Variants in FRMD6 observed in about 807,000 individuals in gnomAD.
FRMD6 encodes FERM domain containing 6.
A neutral mutation model predicts 73.2 loss-of-function variants in FRMD6; 37 were observed. That is an observed-to-expected ratio of 0.51 (90% CI 0.39 to 0.66). The LOEUF (loss-of-function observed/expected upper bound fraction) is 0.66, where lower values mean the gene tolerates loss of function less well. FRMD6 is among the 30% of genes least tolerant of loss of function. The pLI, the probability that FRMD6 is intolerant of heterozygous loss-of-function variation, is 0.00. For missense variants in FRMD6, 714 were observed against 780.5 expected (o/e 0.91, Z 1.02); for synonymous variants, 273 against 282.2 (o/e 0.97, Z 0.33).
chr14:51,653,061 C>A (rs1748333060), intron 1 of FRMD6, among the ~76,000 whole-genome samples: 2 of 152,076 alleles, frequency 1.3e-5, no homozygotes, highest in African/African-American at 4.8e-5. Flanking sequence ...TCTGTTTTGC[C>A]AGTATTTCCC....
intron 2 of FRMD6, among the ~76,000 whole-genome samples, chr14:51,603,719 G>C (rs927023635): frequency 2.0e-5 from 3 of 152,130 alleles, no homozygotes; most frequent in African/African-American, 7.2e-5. Flanking sequence ...AACCTGGACT[G>C]AAGTGCTTGC....
chr14:51,530,315 A>G (rs1184536211), intron 1 of FRMD6, among the ~76,000 whole-genome samples: 1 of 152,150 alleles, frequency 6.6e-6, no homozygotes, highest in African/African-American at 2.4e-5. Flanking sequence ...CCATGTTTGG[A>G]GTATTTATAC....
At position 51,715,344 on chromosome 14, in the gene FRMD6, T is replaced by A. The variant is rs1478362781; in HGVS notation, c.869T>A (p.Leu290Ter). The part of the protein sequence containing the change: ...LVFVGKKFEI[L>*]PDGLPSARKL... Reference sequence around the variant, plus strand: ...CCAAAGGGTAAGAAATTTGAGATTTTGCCAGATGGCTTGCCTTCTGCCCGG... The same window carrying A: ...CCAAAGGGTAAGAAATTTGAGATTTAGCCAGATGGCTTGCCTTCTGCCCGG... Residue 290 changes from leucine to a stop codon, truncating the protein, a stop_gained, in exon 10 of 14, where the codon TTG becomes TAG. Transcript: ENST00000344768. LOFTEE classifies it high-confidence loss of function. 6.4e-7 allele frequency: 1 copy of A among 1,571,618 alleles called. No individual in the cohort carries two copies. The highest frequency in any genetic ancestry group is 8.6e-7 in the Non-Finnish European group (1 of 1,156,600).
chr14:51,585,939 G>GTGTGTGTGTGTGTGTGTA lies in FRMD6; in HGVS notation c.-147+15530_-147+15531insGTGTGTGTGTGTGTGTAT. Among the ~76,000 whole-genome samples the GTGTGTGTGTGTGTGTGTA allele has an allele frequency of 1.1e-3, 33 of 31,380 alleles. 3 individuals carry two copies. The highest frequency in any genetic ancestry group is 4.3e-3 in the South Asian group (4 of 940). 20.6% of individuals were successfully genotyped at this position (31,380 alleles called of 152,430 possible). A position where few individuals can be genotyped will look rare whatever the true frequency, so the allele number is the denominator to read the frequency against. On this transcript the variant is annotated intron_variant, in intron 2 of 14. Transcript: ENST00000356218. Reference sequence around the variant, plus strand: ...TGCCATGGCATGTGTGTGTGTGTGTGTATATATATATATATATATATAACA... The same window carrying GTGTGTGTGTGTGTGTGTA: ...TGCCATGGCATGTGTGTGTGTGTGTGTGTGTGTGTGTGTGTGTATATATATATATATATATATATAACA...
rs1282749992 is a variant in FRMD6, at chr14:51,728,845, CTTTA to C, written c.*820_*823del. ...TAGAAAACGTTGGTGCTTGGTGATG[CTTTA>C]TTTGTTTAATTATCAAGAACAAATT... On this transcript the variant is annotated 3_prime_UTR_variant, in exon 14 of 14. Transcript: ENST00000344768. 2.0e-5 allele frequency: 3 copies of C among 152,294 alleles called. No individual in the cohort carries two copies. The East Asian group carries it at 5.8e-4, about 29-fold the overall frequency. The allele number at this position is 152,294 out of a possible 1,614,324, so 9.4% of individuals were successfully genotyped here.
At chr14:51,499,212 T>A (rs1883467427) in intron 1 of FRMD6, among the ~76,000 whole-genome samples, 1 of 152,226 alleles carries the variant, frequency 6.6e-6, no homozygotes, top group Non-Finnish European at 1.5e-5. Flanking sequence ...CTTGCCCTCC[T>A]TTAGCGGAGA....
At chr14:51,513,588 T>G (rs553449504) in intron 1 of FRMD6, among the ~76,000 whole-genome samples, 7 of 151,926 alleles carry the variant, frequency 4.6e-5, no homozygotes, top group Admixed American at 3.9e-4. Flanking sequence ...GATACACATT[T>G]GACCAACATT....
At chr14:51,638,189 T>TG (rs1438947429) in intron 2 of FRMD6, among the ~76,000 whole-genome samples, 3 of 151,934 alleles carry the variant, frequency 2.0e-5, no homozygotes, top group Non-Finnish European at 4.4e-5. Flanking sequence ...AAGGCTGAGG[T>TG]GGGGGGATCA....
the FRMD6 span, among the ~76,000 whole-genome samples, chr14:51,440,536 ATTTCTC>A: frequency 6.6e-6 from 1 of 152,222 alleles, no homozygotes; most frequent in East Asian, 1.9e-4. Flanking sequence ...CGTTTAGCAC[ATTTCTC>A]AAAGAATTGT....
chr14:51,588,548 A>G (rs973790270), intron 2 of FRMD6, among the ~76,000 whole-genome samples: 3 of 152,192 alleles, frequency 2.0e-5, no homozygotes, highest in Non-Finnish European at 4.4e-5. Context: ...CTACATCTAC[A>G]GGAACACGAC....
At chr14:51,554,009 G>A (rs1185612447) in intron 1 of FRMD6, among the ~76,000 whole-genome samples, 3 of 152,024 alleles carry the variant, frequency 2.0e-5, no homozygotes, top group East Asian at 1.9e-4. Context: ...TTGGAGACAC[G>A]AATGATTCTA....
At chr14:51,478,775 A>G in the FRMD6 span, among the ~76,000 whole-genome samples, 1,399 of 152,328 alleles carry the variant, frequency 9.2e-3, 17 homozygotes, top group African/African-American at 0.032. Context: ...ATGAGATGGA[A>G]GTCGGGGACC....
chr14:51,462,360 CG>C, the FRMD6 span, among the ~76,000 whole-genome samples: 1 of 152,230 alleles, frequency 6.6e-6, no homozygotes, highest in East Asian at 1.9e-4. Context: ...ATGCTGTGTA[CG>C]TGGTAAGAAA....
the FRMD6 span, among the ~76,000 whole-genome samples, chr14:51,437,123 T>C: frequency 6.6e-6 from 1 of 152,224 alleles, no homozygotes; most frequent in African/African-American, 2.4e-5. Context: ...CTCCTAATGC[T>C]ATCCCTCCCC....
chr14:51,491,091 T>A (rs1207275269), intron 1 of FRMD6, among the ~76,000 whole-genome samples: 3 of 152,194 alleles, frequency 2.0e-5, no homozygotes, highest in Admixed American at 2.0e-4. Context: ...CCTTCCCCTT[T>A]GGAAGACTCT....
At chr14:51,412,018 A>C in the FRMD6 span, among the ~76,000 whole-genome samples, 1 of 152,218 alleles carries the variant, frequency 6.6e-6, no homozygotes, top group Non-Finnish European at 1.5e-5. Context: ...GGATCTAAAA[A>C]GTAGTCTGTT....
At chr14:51,668,280 C>A (rs1293380187) in intron 1 of FRMD6, among the ~76,000 whole-genome samples, 1 of 152,108 alleles carries the variant, frequency 6.6e-6, no homozygotes. Flanking sequence ...GGGTAAGATA[C>A]TAAGGACGGT....
chr14:51,573,959 A>G (rs1403986342), intron 2 of FRMD6, among the ~76,000 whole-genome samples: 11 of 152,220 alleles, frequency 7.2e-5, no homozygotes, highest in Non-Finnish European at 1.6e-4. Context: ...CCAGAATCCC[A>G]TAATAATTAG....
At chr14:51,589,275 G>C (rs927485093) in intron 2 of FRMD6, among the ~76,000 whole-genome samples, 2 of 152,048 alleles carry the variant, frequency 1.3e-5, no homozygotes, top group African/African-American at 2.4e-5. Context: ...ATCACTCCTA[G>C]ATTTTTGCTC....
Sources: gnomAD v4.1 joint callset for allele counts (sites outside exome capture counted in the v4.1 genomes callset) on GRCh38, gnomAD v4.1.1 for gene constraint, MANE v1.5 for transcripts, NCBI Gene and HGNC (gene_info 2026-07-23, HGNC 2026-07-21) for gene names.